The following PLPP1 variants were observed in gnomAD, a reference collection of about 807,000 sequenced individuals.
The protein encoded by PLPP1 is phospholipid phosphatase 1, also known as lipid phosphate phosphohydrolase 1a.
A neutral mutation model predicts 31.2 loss-of-function variants in PLPP1; 24 were observed. That is an observed-to-expected ratio of 0.77 (90% CI 0.56 to 1.08). PLPP1 has a LOEUF of 1.08. Ranked by LOEUF, PLPP1 falls within the 50% of genes least tolerant of loss-of-function variation. The probability of loss-of-function intolerance (pLI) is 0.00; values close to 1 mark genes in which losing one functional copy is unlikely to be tolerated. For missense variants in PLPP1, 319 were observed against 342.7 expected, an observed-to-expected ratio of 0.93 and a Z score of 0.55; for synonymous variants, 146 against 126.3, an observed-to-expected ratio of 1.16 and a Z score of -1.05.
chr5:55,449,446 C>A (rs1751848123), intron 3 of PLPP1, among the ~76,000 whole-genome samples: 1 of 152,148 alleles, frequency 6.6e-6, no homozygotes, highest in Non-Finnish European at 1.5e-5. Context: ...GCCAAATACA[C>A]ACACACAGTC....
At chr5:55,486,641 G>A (rs888002168) in intron 1 of PLPP1, among the ~76,000 whole-genome samples, 2 of 151,924 alleles carry the variant, frequency 1.3e-5, no homozygotes, top group Admixed American at 6.6e-5. Flanking sequence ...TTGGTCGGGC[G>A]CCGTGGCTCA....
intron 3 of PLPP1, among the ~76,000 whole-genome samples, chr5:55,456,533 G>C (rs554731106): frequency 1.3e-5 from 2 of 152,262 alleles, no homozygotes; most frequent in East Asian, 3.9e-4. Context: ...AGTTAAAAGA[G>C]CAGATTACAC....
chr5:55,454,655 T>C (rs3804267), intron 3 of PLPP1, among the ~76,000 whole-genome samples: 28,510 of 152,166 alleles, frequency 0.19, 2,746 homozygotes, highest in Admixed American at 0.19. Context: ...GAGGTACTGA[T>C]CTTTAAGTCA....
chr5:55,501,291 C>A (rs776695427), intron 1 of PLPP1, among the ~76,000 whole-genome samples: 2 of 151,812 alleles, frequency 1.3e-5, no homozygotes, highest in Non-Finnish European at 2.9e-5. Context: ...CCAGCCTGGA[C>A]AACAAAAGCA....
chr5:55,521,120 A>C (rs1344703349), intron 1 of PLPP1, among the ~76,000 whole-genome samples: 3 of 152,154 alleles, frequency 2.0e-5, no homozygotes, highest in African/African-American at 7.2e-5. Context: ...TGGGAGGCTG[A>C]GGTGGGCAAA....
intron 4 of PLPP1, among the ~76,000 whole-genome samples, chr5:55,432,814 A>C (rs1751391143): frequency 6.6e-6 from 1 of 151,848 alleles, no homozygotes; most frequent in South Asian, 2.1e-4. Flanking sequence ...AAAAAAAAAA[A>C]ACCTGTCCAC....
intron 3 of PLPP1, among the ~76,000 whole-genome samples, chr5:55,453,844 G>A (rs1751945946): frequency 6.6e-6 from 1 of 152,136 alleles, no homozygotes; most frequent in Non-Finnish European, 1.5e-5. Context: ...AGGAGGCTGA[G>A]GCAGGAGAAT....
At chr5:55,464,795 C>T (rs1418919239) in intron 3 of PLPP1, among the ~76,000 whole-genome samples, 1 of 152,086 alleles carries the variant, frequency 6.6e-6, no homozygotes, top group Non-Finnish European at 1.5e-5. Flanking sequence ...CTTGACCCTC[C>T]GGTTGCAGAT....
chr5:55,468,244 A>G (rs1579944644), intron 2 of PLPP1, 95 bp from the exon 3 acceptor site: 1 of 1,143,238 alleles, frequency 8.7e-7, no homozygotes, highest in African/African-American at 1.6e-5. Flanking sequence ...GGTAAATCGC[A>G]AAAATATCTT....
chr5:55,515,514 G>T (rs1753537261), intron 1 of PLPP1, among the ~76,000 whole-genome samples: 1 of 152,130 alleles, frequency 6.6e-6, no homozygotes, highest in Non-Finnish European at 1.5e-5. Flanking sequence ...CTTTTTCAAA[G>T]AATAATCTAT....
chr5:55,428,242 G>T (rs1274224764), intron 4 of PLPP1, among the ~76,000 whole-genome samples: 1 of 152,218 alleles, frequency 6.6e-6, no homozygotes, highest in Non-Finnish European at 1.5e-5. Flanking sequence ...CCCCAGTTGT[G>T]GTTCTGTACC....
intron 1 of PLPP1, among the ~76,000 whole-genome samples, chr5:55,497,947 G>A (rs1191788453): frequency 6.6e-6 from 1 of 152,080 alleles, no homozygotes; most frequent in Non-Finnish European, 1.5e-5. Context: ...CCATCTAGAA[G>A]CCAGTCTCAG....
At chr5:55,444,039 T>A (rs2111716475) in intron 3 of PLPP1, among the ~76,000 whole-genome samples, 1 of 152,230 alleles carries the variant, frequency 6.6e-6, no homozygotes, top group East Asian at 1.9e-4. Context: ...ATAGACTAAA[T>A]ATCTGTATGG....
chr5:55,438,173 A>G (rs1218245588), intron 4 of PLPP1, among the ~76,000 whole-genome samples: 1 of 151,694 alleles, frequency 6.6e-6, no homozygotes, highest in Non-Finnish European at 1.5e-5. Context: ...ATTGAAAGAA[A>G]ATACAGACTC....
chr5:55,530,232 T>C (rs1740612969), intron 1 of PLPP1: 1 of 1,439,718 alleles, frequency 6.9e-7, no homozygotes, highest in Non-Finnish European at 9.8e-7. Flanking sequence ...ATTCACAAAT[T>C]CTCCATAATC....
At chr5:55,534,297 A>AC (rs1480380032) in intron 1 of PLPP1, among the ~76,000 whole-genome samples, 5 of 152,142 alleles carry the variant, frequency 3.3e-5, no homozygotes, top group African/African-American at 1.2e-4. Context: ...AACTGCAAAC[A>AC]GAGGACAGGA....
At chr5:55,498,046 G>A (rs1753040771) in intron 1 of PLPP1, among the ~76,000 whole-genome samples, 1 of 152,110 alleles carries the variant, frequency 6.6e-6, no homozygotes, top group Non-Finnish European at 1.5e-5. Context: ...GGGAACAGAA[G>A]GTAAAGCCAG....
intron 3 of PLPP1, among the ~76,000 whole-genome samples, chr5:55,460,053 C>T (rs1314485985): frequency 2.0e-5 from 3 of 152,070 alleles, no homozygotes; most frequent in East Asian, 3.9e-4. Flanking sequence ...GGACTGTTTA[C>T]GTTATTAAGG....
At chr5:55,458,381 C>T (rs1375082061) in intron 3 of PLPP1, among the ~76,000 whole-genome samples, 3 of 151,506 alleles carry the variant, frequency 2.0e-5, no homozygotes, top group African/African-American at 7.3e-5. Context: ...TAAACTAATA[C>T]ATATATGCTT....
Sources: gnomAD v4.1 joint callset for allele counts (sites outside exome capture counted in the v4.1 genomes callset) on GRCh38, gnomAD v4.1.1 for gene constraint, MANE v1.5 for transcripts, NCBI Gene and HGNC (gene_info 2026-07-23, HGNC 2026-07-21) for gene names.